DIAPH2: variants seen among roughly 807,000 people sequenced by gnomAD.
DIAPH2 encodes protein diaphanous homolog 2.
Under a neutral mutation model 92.7 loss-of-function variants are expected in DIAPH2, and 35 were observed. That is an observed-to-expected ratio of 0.38 (90% CI 0.29 to 0.50). The LOEUF (loss-of-function observed/expected upper bound fraction) is 0.50. DIAPH2 is among the 20% of genes least tolerant of loss of function. The pLI is 0.94. For synonymous variants in DIAPH2, 301 were observed against 280.4 expected (o/e 1.07, Z -0.73); for missense variants, 701 against 819.5 (o/e 0.86, Z 1.77).
At chrX:97,292,205 C>G (rs12842893) in intron 23 of DIAPH2, among the ~76,000 whole-genome samples, 44,831 of 107,680 alleles carry the variant, frequency 0.42, 8,087 homozygotes, top group Non-Finnish European at 0.56. Context: ...ATTTTTTAAT[C>G]TTTATTTTTG....
intron 26 of DIAPH2, among the ~76,000 whole-genome samples, chrX:97,554,740 G>A (rs1314705572): frequency 8.9e-6 from 1 of 111,902 alleles, no homozygotes; most frequent in Non-Finnish European, 1.9e-5. Context: ...TTCCTCATCT[G>A]TAAAATGATA....
At chrX:97,010,124 C>A (rs2066214074) in intron 17 of DIAPH2, among the ~76,000 whole-genome samples, 1 of 112,100 alleles carries the variant, frequency 8.9e-6, no homozygotes, top group African/African-American at 3.2e-5. Flanking sequence ...AAATTGCTGG[C>A]ATATGCCCTA....
At chrX:97,477,202 C>T (rs1453437663) in intron 26 of DIAPH2, among the ~76,000 whole-genome samples, 1 of 105,201 alleles carries the variant, frequency 9.5e-6, no homozygotes, top group Non-Finnish European at 1.9e-5. Context: ...TGGTAACTGG[C>T]CTCTGTAATC....
chrX:96,860,219 T>G (rs1182197497), intron 4 of DIAPH2, among the ~76,000 whole-genome samples: 1 of 112,056 alleles, frequency 8.9e-6, no homozygotes. Context: ...CTGTAAAATA[T>G]AAAACACTCA....
At chrX:97,136,059 A>T (rs1459357536) in intron 21 of DIAPH2, among the ~76,000 whole-genome samples, 2 of 112,179 alleles carry the variant, frequency 1.8e-5, no homozygotes, top group Non-Finnish European at 3.8e-5. Flanking sequence ...CCACTTTTCT[A>T]GATGCTGAGT....
chrX:97,045,063 GCC>G (rs2066472087), intron 17 of DIAPH2, among the ~76,000 whole-genome samples: 1 of 111,744 alleles, frequency 8.9e-6, no homozygotes, highest in Non-Finnish European at 1.9e-5. Flanking sequence ...TCCCTCACTA[GCC>G]CACTCTTTCT....
intron 9 of DIAPH2, among the ~76,000 whole-genome samples, chrX:96,921,743 A>T (rs1471717585): frequency 5.3e-5 from 4 of 75,018 alleles, no homozygotes; most frequent in African/African-American, 1.5e-4. Context: ...TCCTCCTCTT[A>T]CTTCCTGGGT....
At chrX:97,471,293 A>T (rs981822418) in intron 26 of DIAPH2, among the ~76,000 whole-genome samples, 41 of 111,774 alleles carry the variant, frequency 3.7e-4, no homozygotes, top group African/African-American at 1.3e-3. Context: ...GGTTACACAT[A>T]CATAGGTCTG....
At chrX:97,584,621 A>T (rs766420613) in intron 26 of DIAPH2, among the ~76,000 whole-genome samples, 23 of 111,676 alleles carry the variant, frequency 2.1e-4, no homozygotes, top group African/African-American at 7.1e-4. Context: ...GATAGAATTC[A>T]GGGTCATCAG....
intron 21 of DIAPH2, among the ~76,000 whole-genome samples, chrX:97,131,714 T>C (rs1174206641): frequency 1.8e-5 from 2 of 112,838 alleles, no homozygotes; most frequent in African/African-American, 6.4e-5. Flanking sequence ...AAACTATTTC[T>C]ATACCAATTT....
intron 4 of DIAPH2, among the ~76,000 whole-genome samples, chrX:96,789,381 C>T (rs1041888455): frequency 1.8e-5 from 2 of 111,958 alleles, no homozygotes; most frequent in African/African-American, 6.5e-5. Flanking sequence ...TTTGTACAAA[C>T]AGGCATAGTA....
intron 23 of DIAPH2, among the ~76,000 whole-genome samples, chrX:97,276,422 G>T (rs960173025): frequency 9.9e-5 from 11 of 111,466 alleles, no homozygotes; most frequent in Non-Finnish European, 1.9e-4. Context: ...CTAAGTCACC[G>T]CAGTGAGTTC....
intron 24 of DIAPH2, among the ~76,000 whole-genome samples, chrX:97,368,390 C>G (rs901933921): frequency 8.9e-6 from 1 of 112,050 alleles, no homozygotes; most frequent in East Asian, 2.8e-4. Flanking sequence ...TATTCTTCAT[C>G]GGACATCAGG....
At chrX:96,917,236 G>A (rs1319184245) in intron 8 of DIAPH2, among the ~76,000 whole-genome samples, 1 of 110,920 alleles carries the variant, frequency 9.0e-6, no homozygotes, top group East Asian at 2.8e-4. Context: ...CTAAGGACCC[G>A]AACCAAAATA....
intron 24 of DIAPH2, among the ~76,000 whole-genome samples, chrX:97,359,868 G>T (rs1018849587): frequency 9.0e-6 from 1 of 110,945 alleles, no homozygotes; most frequent in Non-Finnish European, 1.9e-5. Flanking sequence ...GAGCCACTGC[G>T]CCCGGCCATG....
At chrX:97,216,266 C>T (rs1160842904) in intron 22 of DIAPH2, among the ~76,000 whole-genome samples, 1 of 111,623 alleles carries the variant, frequency 9.0e-6, no homozygotes, top group East Asian at 2.8e-4. Flanking sequence ...ATGGATTATA[C>T]GTAAAATTGT....
intron 4 of DIAPH2, among the ~76,000 whole-genome samples, chrX:96,828,033 G>T (rs2147684612): frequency 8.9e-6 from 1 of 111,927 alleles, no homozygotes; most frequent in African/African-American, 3.2e-5. Context: ...GCCTCCTAAA[G>T]TGCCGGGATT....
At chrX:97,048,641 T>C (rs1325023879) in intron 17 of DIAPH2, among the ~76,000 whole-genome samples, 1 of 111,493 alleles carries the variant, frequency 9.0e-6, no homozygotes, top group African/African-American at 3.3e-5. Context: ...TTTATCATAA[T>C]GGTTGTAAAA....
chrX:97,116,983 G>A (rs1455662043), intron 21 of DIAPH2, among the ~76,000 whole-genome samples: 1 of 111,458 alleles, frequency 9.0e-6, no homozygotes, highest in Non-Finnish European at 1.9e-5. Context: ...TATGCTCAAA[G>A]GATTCAGCAC....
Sources: gnomAD v4.1 joint callset for allele counts (sites outside exome capture counted in the v4.1 genomes callset) on GRCh38, gnomAD v4.1.1 for gene constraint, MANE v1.5 for transcripts, NCBI Gene and HGNC (gene_info 2026-07-23, HGNC 2026-07-21) for gene names.